Variants in TMCO1 observed in about 807,000 individuals in gnomAD.
TMCO1 encodes the protein calcium load-activated calcium channel.
TMCO1 carries 29 observed loss-of-function variants against 29.3 expected under a neutral mutation model. The ratio of observed to expected loss-of-function variants is 0.99; its 90% CI spans 0.74 to 1.35. The LOEUF is 1.35. Ranked by LOEUF, TMCO1 falls within the 40% of genes most tolerant of loss-of-function variation. The probability of loss-of-function intolerance (pLI) is 0.00; values close to 1 mark genes in which losing one functional copy is unlikely to be tolerated. For missense variants in TMCO1, 173 were observed against 225.5 expected (o/e 0.77, Z 1.49); for synonymous variants, 80 against 77.1 (o/e 1.04, Z -0.20).
chr1:165,761,793 A>C (rs1652415177), intron 2 of TMCO1, among the ~76,000 whole-genome samples: 1 of 150,706 alleles, frequency 6.6e-6, no homozygotes, highest in African/African-American at 2.4e-5. Context: ...TACCAAAACT[A>C]CAAAAATCAG....
At chr1:165,729,655 G>A (rs1651065262) in intron 6 of TMCO1, among the ~76,000 whole-genome samples, 1 of 152,148 alleles carries the variant, frequency 6.6e-6, no homozygotes, top group Non-Finnish European at 1.5e-5. Context: ...AAACCTTAGA[G>A]ATCCTGATTA....
chr1:165,757,322 C>A (rs973234717), intron 3 of TMCO1, among the ~76,000 whole-genome samples: 1 of 152,056 alleles, frequency 6.6e-6, no homozygotes, highest in Non-Finnish European at 1.5e-5. Flanking sequence ...ACAGTAAAAG[C>A]GTTTTATGAA....
At chr1:165,739,138 A>G (rs1194674395) in intron 6 of TMCO1, among the ~76,000 whole-genome samples, 2 of 152,134 alleles carry the variant, frequency 1.3e-5, no homozygotes, top group Non-Finnish European at 2.9e-5. Context: ...TTTTGTATTC[A>G]GCAAGCATGT....
intron 6 of TMCO1, among the ~76,000 whole-genome samples, chr1:165,730,029 G>C (rs977297967): frequency 1.3e-5 from 2 of 151,984 alleles, no homozygotes; most frequent in African/African-American, 4.8e-5. Context: ...ATAAGAATGT[G>C]TATTGAGGAC....
intron 6 of TMCO1, among the ~76,000 whole-genome samples, chr1:165,735,421 G>A (rs60367670): frequency 0.013 from 2,016 of 151,762 alleles, 54 homozygotes; most frequent in African/African-American, 0.047. Context: ...ACAGCTACTG[G>A]AAATAGAGAA....
chr1:165,724,521 C>T (rs1650772205), downstream of TMCO1: 3 of 453,960 alleles, frequency 6.6e-6, no homozygotes, highest in South Asian at 4.7e-5. Flanking sequence ...TTCAGCATCA[C>T]CTGGGAATTT....
At chr1:165,726,151 T>C, downstream of TMCO1, 1 of 694,584 alleles carries the variant, frequency 1.4e-6, no homozygotes, top group Non-Finnish European at 2.6e-6. Context: ...ATCATGGGCA[T>C]CATTTTCTTC....
chr1:165,726,252 T>G (rs1284517997), downstream of TMCO1: 3 of 699,154 alleles, frequency 4.3e-6, no homozygotes, highest in Non-Finnish European at 7.8e-6. Context: ...TCAGACATCC[T>G]TCTGATAAAA....
At chr1:165,731,464 C>T (rs906303690) in intron 6 of TMCO1, among the ~76,000 whole-genome samples, 1 of 152,106 alleles carries the variant, frequency 6.6e-6, no homozygotes, top group Non-Finnish European at 1.5e-5. Context: ...ATAGCCTAGA[C>T]AAAATACACA....
chr1:165,758,583 A>AC (rs113894146), intron 3 of TMCO1, among the ~76,000 whole-genome samples: 2,040 of 152,154 alleles, frequency 0.013, 51 homozygotes, highest in African/African-American at 0.047. Context: ...AAAAACAGAA[A>AC]AAAACAAGCA....
intron 6 of TMCO1, among the ~76,000 whole-genome samples, chr1:165,730,165 C>CG: frequency 9.7e-6 from 1 of 103,124 alleles, no homozygotes; most frequent in South Asian, 3.2e-4. Flanking sequence ...ACTAAAAATA[C>CG]ACACACACAA....
At chr1:165,729,253 A>AT (rs1651035235) in intron 6 of TMCO1, among the ~76,000 whole-genome samples, 1 of 151,676 alleles carries the variant, frequency 6.6e-6, no homozygotes, top group African/African-American at 2.4e-5. Flanking sequence ...ATCTAATGCA[A>AT]TTTTTTAAGA....
chr1:165,729,693 T>C (rs1295054358), intron 6 of TMCO1, among the ~76,000 whole-genome samples: 1 of 152,186 alleles, frequency 6.6e-6, no homozygotes, highest in Non-Finnish European at 1.5e-5. Flanking sequence ...CATTTTATAT[T>C]TGAAGAAACT....
In TMCO1 at chr1:165,752,089, A is replaced by C; in HGVS notation, c.323+13T>G. On this transcript the variant is annotated intron_variant, in intron 5 of 6. Transcript: ENST00000367881. ...AATAGTTATTAGTCAAAAGCATATA[A>C]AAGGACACTCACATGGAATTGAACA... 2 of 1,602,438 alleles carry C rather than the reference A, an allele frequency of 1.2e-6. No individual in the cohort carries two copies. The highest frequency in any genetic ancestry group is 2.2e-5 in the South Asian group (2 of 90,796).
chr1:165,724,986 TTCTC>T (rs61515012), downstream of TMCO1: 19,165 of 371,070 alleles, frequency 0.052, 147 homozygotes, highest in South Asian at 0.077. Context: ...TATTCTCTCT[TTCTC>T]TCTCTCTCTC....
At chr1:165,733,469 C>T (rs779683755) in intron 6 of TMCO1, among the ~76,000 whole-genome samples, 2 of 151,964 alleles carry the variant, frequency 1.3e-5, no homozygotes, top group Non-Finnish European at 2.9e-5. Context: ...CCCGTCTCCA[C>T]ATGCGCCTGT....
chr1:165,743,035 G>T, intron 6 of TMCO1, 132 bp downstream of exon 6: 1 of 1,125,712 alleles, frequency 8.9e-7, no homozygotes, highest in Non-Finnish European at 1.3e-6. Context: ...AAGATACACT[G>T]AAATTCTAAA....
chr1:165,740,497 G>A (rs934316347), intron 6 of TMCO1, among the ~76,000 whole-genome samples: 3 of 152,048 alleles, frequency 2.0e-5, no homozygotes, highest in Non-Finnish European at 2.9e-5. Context: ...GAGCCACCGC[G>A]CCTGGCCCAT....
chr1:165,768,832 C>G lies in TMCO1; in HGVS notation c.-81G>C, dbSNP rs746077564. On this transcript the variant is annotated 5_prime_UTR_variant, in exon 1 of 7. Transcript: ENST00000367881. ...GGAAAAGTGAAGCGAAAACGGCTTC[C>G]GTAGACTCCGCCACCACCGAGTAAC... is the stretch of plus-strand genomic sequence containing the variant. 2 of 1,596,394 alleles carry G rather than the reference C, an allele frequency of 1.3e-6. No homozygotes were observed. The highest frequency in any genetic ancestry group is 2.2e-5 in the South Asian group (2 of 89,440).
Sources: gnomAD v4.1 joint callset for allele counts (sites outside exome capture counted in the v4.1 genomes callset) on GRCh38, gnomAD v4.1.1 for gene constraint, MANE v1.5 for transcripts, NCBI Gene and HGNC (gene_info 2026-07-23, HGNC 2026-07-21) for gene names.